Variants in ELAVL1 observed in about 807,000 individuals in gnomAD.
ELAVL1 encodes the protein ELAV-like protein 1.
A neutral mutation model predicts 28.4 loss-of-function variants in ELAVL1; 1 was observed. The observed-to-expected ratio is 0.04, with a 90% CI of 0.01 to 0.17. The LOEUF (loss-of-function observed/expected upper bound fraction) is 0.17. Among genes scored for constraint, ELAVL1 ranks in the 10% least tolerant of loss-of-function variants. ELAVL1 has a pLI of 1.00. For synonymous variants in ELAVL1, 174 were observed against 183.5 expected (o/e 0.95, Z 0.42); for missense variants, 157 against 447.2 (o/e 0.35, Z 5.85).
In ELAVL1 at chr19:7,959,685, G is replaced by A. The variant is rs1330416148; in HGVS notation, c.*3798C>T. On this transcript the variant is annotated 3_prime_UTR_variant, in exon 6 of 6. Coordinates refer to ENST00000407627, the MANE Select transcript of ELAVL1 (RefSeq NM_001419.3). Reference sequence around the variant, plus strand: ...GAAATGTGAACCCTGCCTGGGATCCGAGATTCAGATTCTACTGCCATCATT... The same window carrying A: ...GAAATGTGAACCCTGCCTGGGATCCAAGATTCAGATTCTACTGCCATCATT... 1 of 152,196 alleles carries A rather than the reference G, an allele frequency of 6.6e-6. No homozygotes were observed. Among genetic ancestry groups the A allele is most frequent in the Non-Finnish European group, 1.5e-5 (1 of 68,040 alleles). 9.4% of individuals were successfully genotyped at this position (152,196 alleles called of 1,614,324 possible). A position where few individuals can be genotyped will look rare whatever the true frequency, so the allele number is the denominator to read the frequency against.
chr19:7,963,936 G>T lies in ELAVL1; in HGVS notation c.657-129C>A. The T allele has an allele frequency of 9.8e-7, 1 of 1,020,796 alleles. No homozygotes were observed. The allele number at this position is 1,020,796 out of a possible 1,614,324, so 63.2% of individuals were successfully genotyped here. A position where few individuals can be genotyped will look rare whatever the true frequency, so the allele number is the denominator to read the frequency against. ...CTCTGCGCAGCCACGAGGTGCTCAC[G>T]GTTGAGACACCTGCATGGGTCAAAA... On this transcript the variant is annotated intron_variant, in intron 5 of 5. Transcript: ENST00000407627. This position sits in a 1 kb window ranked among gnomAD's most constrained non-coding sequence, Gnocchi z 4.5.
At chr19:7,966,057 G>C (rs867388469) in intron 5 of ELAVL1, among the ~76,000 whole-genome samples, 1 of 152,152 alleles carries the variant, frequency 6.6e-6, no homozygotes, top group Non-Finnish European at 1.5e-5. Context: ...AACAACGATG[G>C]GGCCGGGCTC....
chr19:7,985,324 C>T lies in ELAVL1; in HGVS notation c.173-4138G>A, dbSNP rs78012223. On this transcript the variant is annotated intron_variant, in intron 2 of 5. Transcript: ENST00000407627. ...GAGGCCTCCAGAGGAGAAGTGCAAA[C>T]GGGCCCCCAAGTTACTGTTTCTCCA... Among the ~76,000 whole-genome samples the T allele has an allele frequency of 3.3e-3, 509 of 152,320 alleles. 14 individuals carry two copies. In the East Asian group the frequency reaches 0.053, roughly 16 times the overall value.
intron 1 of ELAVL1, among the ~76,000 whole-genome samples, chr19:7,998,194 A>G (rs2081055790): frequency 6.6e-6 from 1 of 152,046 alleles, no homozygotes. Flanking sequence ...CCAAATCTGC[A>G]TCATCAATCC....
At chr19:7,967,028 T>TC (rs1225279613) in intron 5 of ELAVL1, among the ~76,000 whole-genome samples, 2 of 151,048 alleles carry the variant, frequency 1.3e-5, no homozygotes, top group Non-Finnish European at 3.0e-5. Context: ...GTGCTGTCTT[T>TC]TTTTTTTTTT....
intron 1 of ELAVL1, chr19:8,002,182 C>G: frequency 8.1e-7 from 1 of 1,232,964 alleles, no homozygotes; most frequent in African/African-American, 1.5e-5. Flanking sequence ...CTGAACACTG[C>G]GATGTTCCCA....
chr19:7,965,368 G>T (rs546124773), intron 5 of ELAVL1, among the ~76,000 whole-genome samples: 1 of 152,190 alleles, frequency 6.6e-6, no homozygotes, highest in Non-Finnish European at 1.5e-5. Flanking sequence ...GAGTCAATGC[G>T]CCCGGCCTTC....
At chr19:7,967,814 G>T in intron 4 of ELAVL1, 24 bp from the exon 5 acceptor site, 1 of 1,604,230 alleles carries the variant, frequency 6.2e-7, no homozygotes, top group Admixed American at 1.7e-5. Flanking sequence ...CAACAAAAAC[G>T]GAGTTAGGGG....
chr19:8,002,102 G>T, intron 1 of ELAVL1: 1 of 1,289,310 alleles, frequency 7.8e-7, no homozygotes, highest in South Asian at 1.2e-5. Context: ...GAGCACTCCT[G>T]CCACCACTAC....
intron 4 of ELAVL1, among the ~76,000 whole-genome samples, chr19:7,968,979 C>G (rs1272498082): frequency 6.6e-6 from 1 of 152,166 alleles, no homozygotes; most frequent in Non-Finnish European, 1.5e-5. Context: ...AGCTGAGAGG[C>G]CAGTCTGAGA....
At chr19:7,991,932 C>CTTTTT (rs398033838) in intron 1 of ELAVL1, 101 bp from the exon 2 acceptor site, 52 of 647,414 alleles carry the variant, frequency 8.0e-5, no homozygotes, top group Admixed American at 1.7e-4. Flanking sequence ...TTCTTTCTTT[C>CTTTTT]TTTTTTTTTT....
In ELAVL1 at chr19:8,005,580, G is replaced by C. The variant is rs1037234862; in HGVS notation, c.-102C>G. Reference sequence around the variant, plus strand: ...GGCGCTAACGGCTCCGCTCGGCCTCGGTAGCGGTGGCGGCGGTGGCGGCGA... The same window carrying C: ...GGCGCTAACGGCTCCGCTCGGCCTCCGTAGCGGTGGCGGCGGTGGCGGCGA... On this transcript the variant is annotated 5_prime_UTR_variant, in exon 1 of 6. Coordinates refer to ENST00000407627, the MANE Select transcript of ELAVL1 (RefSeq NM_001419.3). 6.7e-6 allele frequency: 1 copy of C among 148,906 alleles called. No individual in the cohort carries two copies. The highest frequency in any genetic ancestry group is 2.4e-5 in the African/African-American group (1 of 40,820). The allele number at this position is 148,906 out of a possible 1,614,324, so 9.2% of individuals were successfully genotyped here. A position where few individuals can be genotyped will look rare whatever the true frequency, so the allele number is the denominator to read the frequency against.
chr19:8,005,597 T>TGGCGGCGGC lies in ELAVL1; in HGVS notation c.-120_-119insGCCGCCGCC, dbSNP rs1281388550. ...TCGGCCTCGGTAGCGGTGGCGGCGG[T>TGGCGGCGGC]GGCGGCGACGGCGACGGCGGCAGCG... On this transcript the variant is annotated 5_prime_UTR_variant, in exon 1 of 6. Transcript: ENST00000407627. 6.8e-6 allele frequency: 1 copy of TGGCGGCGGC among 147,774 alleles called. No individual in the cohort carries two copies. The highest frequency in any genetic ancestry group is 1.5e-5 in the Non-Finnish European group (1 of 66,764). The allele number at this position is 147,774 out of a possible 1,614,324, so 9.2% of individuals were successfully genotyped here.
intron 4 of ELAVL1, among the ~76,000 whole-genome samples, chr19:7,970,576 C>T (rs1985080238): frequency 1.3e-5 from 2 of 152,206 alleles, no homozygotes; most frequent in Non-Finnish European, 2.9e-5. Flanking sequence ...CCACGGCCCC[C>T]GGCCCCCTTG....
chr19:7,986,961 G>A (rs1447324356), intron 2 of ELAVL1, among the ~76,000 whole-genome samples: 1 of 152,018 alleles, frequency 6.6e-6, no homozygotes, highest in Non-Finnish European at 1.5e-5. Flanking sequence ...TTTCTGCTTG[G>A]CTCATGCTTA....
chr19:7,960,070 G>A lies in ELAVL1; in HGVS notation c.*3413C>T, dbSNP rs1250360729. On this transcript the variant is annotated 3_prime_UTR_variant, in exon 6 of 6. Transcript: ENST00000407627. ...TTTTTCAAGTCCGATGCCGGACTGG[G>A]TAAGTCATGTCTTTTCAATGCCTGG... The A allele has an allele frequency of 3.9e-5, 6 of 152,236 alleles. No homozygotes were observed. The highest frequency in any genetic ancestry group is 1.2e-4 in the African/African-American group (5 of 41,464). The allele number at this position is 152,236 out of a possible 1,614,324, so 9.4% of individuals were successfully genotyped here.
In ELAVL1 at chr19:7,962,519, G is replaced by C. The variant is rs963223976; in HGVS notation, c.*964C>G. On this transcript the variant is annotated 3_prime_UTR_variant, in exon 6 of 6. Coordinates refer to ENST00000407627, the MANE Select transcript of ELAVL1 (RefSeq NM_001419.3). ...AAAGCAAAATTCCAAAACAAAATCCGACTAAAATAGAAAAAGGTCTAAGCG... is the reference window on the plus strand; with the variant it reads ...AAAGCAAAATTCCAAAACAAAATCCCACTAAAATAGAAAAAGGTCTAAGCG... 1.3e-5 allele frequency: 2 copies of C among 152,550 alleles called. No individual in the cohort carries two copies. The highest frequency in any genetic ancestry group is 2.9e-5 in the Non-Finnish European group (2 of 68,020). The allele number at this position is 152,550 out of a possible 1,614,324, so 9.4% of individuals were successfully genotyped here. A position where few individuals can be genotyped will look rare whatever the true frequency, so the allele number is the denominator to read the frequency against.
intron 2 of ELAVL1, among the ~76,000 whole-genome samples, chr19:7,984,686 C>T (rs1985554255): frequency 2.0e-5 from 3 of 152,212 alleles, no homozygotes; most frequent in African/African-American, 7.2e-5. Context: ...GCTTCATCCC[C>T]AGAATCTGCT....
intron 1 of ELAVL1, among the ~76,000 whole-genome samples, chr19:8,003,865 A>G (rs2081077912): frequency 6.6e-6 from 1 of 152,156 alleles, no homozygotes; most frequent in Admixed American, 6.5e-5. Context: ...GAATTTGATA[A>G]TAGATCCCAG....
Sources: gnomAD v4.1 joint callset for allele counts (sites outside exome capture counted in the v4.1 genomes callset) on GRCh38, gnomAD v4.1.1 for gene constraint, Gnocchi (gnomAD v3.1) non-coding constraint, MANE v1.5 for transcripts, NCBI Gene and HGNC (gene_info 2026-07-23, HGNC 2026-07-21) for gene names.